Variants in CIMAP1D observed in about 807,000 individuals in gnomAD.
The protein encoded by CIMAP1D is CIMAP1 family member D, also known as protein CIMAP1D.
the CIMAP1D span, chr19:464,134 G>T: frequency 4.1e-6 from 2 of 491,100 alleles, no homozygotes; most frequent in Non-Finnish European, 7.2e-6. Flanking sequence ...TCCTGCGGGG[G>T]GCGGGCGGGG....
chr19:486,104 GCT>G, the CIMAP1D span, among the ~76,000 whole-genome samples: 1 of 152,226 alleles, frequency 6.6e-6, no homozygotes, highest in Non-Finnish European at 1.5e-5. Context: ...GACAGGACCA[GCT>G]CTCAGGCTCT....
At chr19:481,306 GA>G in the CIMAP1D span, among the ~76,000 whole-genome samples, 887 of 93,442 alleles carry the variant, frequency 9.5e-3, no homozygotes, top group Admixed American at 0.011. Context: ...TGGGAAGGAT[GA>G]TGGAGAACGA....
the CIMAP1D span, chr19:464,442 A>G: frequency 4.7e-6 from 4 of 850,240 alleles, no homozygotes; most frequent in Non-Finnish European, 7.7e-6. Context: ...CATGGCCCAC[A>G]TGCACCCTGG....
the CIMAP1D span, among the ~76,000 whole-genome samples, chr19:480,909 G>A: frequency 3.5e-5 from 3 of 85,912 alleles, no homozygotes; most frequent in Non-Finnish European, 8.3e-5. Flanking sequence ...AAGGAATGTG[G>A]GAAGGATGAT....
At chr19:482,145 T>C in the CIMAP1D span, among the ~76,000 whole-genome samples, 1 of 152,248 alleles carries the variant, frequency 6.6e-6, no homozygotes, top group Non-Finnish European at 1.5e-5. Flanking sequence ...TAATACATTT[T>C]ATTAACCCCC....
chr19:464,162 C>T, the CIMAP1D span: 15 of 1,504,196 alleles, frequency 1.0e-5, no homozygotes, highest in Admixed American at 1.6e-4. Context: ...GGCCCACCAC[C>T]GTGTAGCTGG....
the CIMAP1D span, among the ~76,000 whole-genome samples, chr19:468,005 CCACCTCTGCCCCTCTAA>C: frequency 6.6e-6 from 1 of 152,174 alleles, no homozygotes; most frequent in African/African-American, 2.4e-5. Flanking sequence ...CTGTTTGTAG[CCACCTCTGCCCCTCTAA>C]CCTCTGCGCA....
At chr19:465,012 GCGGA>G in the CIMAP1D span, among the ~76,000 whole-genome samples, 3 of 114,204 alleles carry the variant, frequency 2.6e-5, no homozygotes, top group African/African-American at 3.3e-5. Flanking sequence ...GGGAGGGTGG[GCGGA>G]TGGATGGATG....
At chr19:477,580 C>A in the CIMAP1D span, among the ~76,000 whole-genome samples, 1 of 150,618 alleles carries the variant, frequency 6.6e-6, no homozygotes, top group Non-Finnish European at 1.5e-5. Flanking sequence ...GAGCGAGACT[C>A]CACGTCAAAA....
chr19:467,823 C>G, the CIMAP1D span: 1 of 1,091,228 alleles, frequency 9.2e-7, no homozygotes, highest in Non-Finnish European at 1.3e-6. Context: ...CCCCACCGCC[C>G]GGCCTCAGTG....
the CIMAP1D span, chr19:489,384 C>A: frequency 6.5e-6 from 1 of 154,116 alleles, no homozygotes. Flanking sequence ...AGCCCGCGGC[C>A]CCGACCTCTG....
chr19:468,370 G>T, the CIMAP1D span, among the ~76,000 whole-genome samples: 2 of 148,516 alleles, frequency 1.3e-5, no homozygotes, highest in Non-Finnish European at 3.0e-5. Context: ...AGTCTCAAAA[G>T]AAAAAAAAAA....
chr19:478,752 G>C, the CIMAP1D span, among the ~76,000 whole-genome samples: 6 of 152,300 alleles, frequency 3.9e-5, no homozygotes, highest in Non-Finnish European at 5.9e-5. Context: ...CCGGCCCTAC[G>C]TCCACCCGCC....
chr19:471,507 A>G, the CIMAP1D span, among the ~76,000 whole-genome samples: 2 of 151,592 alleles, frequency 1.3e-5, no homozygotes, highest in Non-Finnish European at 2.9e-5. Context: ...CAGTGGTGCA[A>G]TCATAGCTCA....
the CIMAP1D span, among the ~76,000 whole-genome samples, chr19:464,856 C>T: frequency 6.6e-6 from 1 of 151,920 alleles, no homozygotes; most frequent in Non-Finnish European, 1.5e-5. Flanking sequence ...GTGAATGGTT[C>T]ATGAAGGGAT....
the CIMAP1D span, among the ~76,000 whole-genome samples, chr19:470,226 C>G: frequency 9.2e-5 from 10 of 109,268 alleles, 1 homozygote; most frequent in South Asian, 2.6e-3. Flanking sequence ...TTTTTTTTTG[C>G]GACGGAGTCT....
chr19:484,312 T>TTTC, the CIMAP1D span, among the ~76,000 whole-genome samples: 1 of 152,056 alleles, frequency 6.6e-6, no homozygotes, highest in South Asian at 2.1e-4. Flanking sequence ...GGCTAATTTT[T>TTTC]GTATTTTTAG....
At chr19:464,070 T>C in the CIMAP1D span, 1 of 1,541,542 alleles carries the variant, frequency 6.5e-7, no homozygotes, top group Non-Finnish European at 8.7e-7. Flanking sequence ...GCGCTGGCGG[T>C]AGGTGTTTGC....
the CIMAP1D span, among the ~76,000 whole-genome samples, chr19:467,356 G>A: frequency 1.3e-5 from 2 of 151,886 alleles, no homozygotes; most frequent in African/African-American, 2.4e-5. Context: ...GGATACTGCC[G>A]ATTTGCCACA....
Sources: gnomAD v4.1 joint callset for allele counts (sites outside exome capture counted in the v4.1 genomes callset) on GRCh38, gnomAD v4.1.1 for gene constraint, MANE v1.5 for transcripts, NCBI Gene and HGNC (gene_info 2026-07-23, HGNC 2026-07-21) for gene names.